The following CDYL2 variants were observed in gnomAD, a reference collection of about 807,000 sequenced individuals.
CDYL2 encodes chromodomain Y like 2.
In CDYL2, 23 loss-of-function variants were observed where a neutral mutation model predicts 49.4. That is an observed-to-expected ratio of 0.47 (90% CI 0.34 to 0.66). The LOEUF (loss-of-function observed/expected upper bound fraction) is 0.66, where lower values mean the gene tolerates loss of function less well. CDYL2 is among the 30% of genes least tolerant of loss of function. CDYL2 has a pLI of 0.01. For missense variants in CDYL2, 678 were observed against 656.4 expected, an observed-to-expected ratio of 1.03 and a Z score of -0.36; for synonymous variants, 360 against 268.8, an observed-to-expected ratio of 1.34 and a Z score of -3.32.
chr16:80,752,680 T>C (rs1906176393), intron 1 of CDYL2, among the ~76,000 whole-genome samples: 1 of 151,926 alleles, frequency 6.6e-6, no homozygotes, highest in African/African-American at 2.4e-5. Flanking sequence ...AACAAGGGAG[T>C]GAATTTGTCA....
chr16:80,621,043 G>A, intron 3 of CDYL2, 108 bp from the exon 4 acceptor site: 10 of 1,256,824 alleles, frequency 8.0e-6, no homozygotes, highest in Non-Finnish European at 1.1e-5. Context: ...GTAGAGGCCA[G>A]GGAATCTGCT....
chr16:80,738,500 A>T (rs1200729606), intron 1 of CDYL2, among the ~76,000 whole-genome samples: 4 of 152,234 alleles, frequency 2.6e-5, no homozygotes, highest in Non-Finnish European at 5.9e-5. Flanking sequence ...AAGTGAAAAA[A>T]GCCAGACACA....
intron 1 of CDYL2, among the ~76,000 whole-genome samples, chr16:80,712,292 TC>T (rs920816171): frequency 2.0e-5 from 3 of 149,216 alleles, no homozygotes; most frequent in Non-Finnish European, 1.5e-5. Context: ...GTCCAGAGAG[TC>T]CCTGAAACGT....
intron 1 of CDYL2, among the ~76,000 whole-genome samples, chr16:80,793,939 T>A (rs1041115774): frequency 1.3e-5 from 2 of 152,212 alleles, no homozygotes; most frequent in African/African-American, 4.8e-5. Flanking sequence ...ATTTGGTTGT[T>A]TGTAAATAAA....
intron 2 of CDYL2, among the ~76,000 whole-genome samples, chr16:80,672,485 G>A (rs1597163112): frequency 6.8e-6 from 1 of 146,958 alleles, no homozygotes; most frequent in Non-Finnish European, 1.5e-5. Flanking sequence ...AGAAAGAAAG[G>A]AAAGAAAGAA....
At chr16:80,739,367 C>G (rs187921683) in intron 1 of CDYL2, among the ~76,000 whole-genome samples, 80 of 152,172 alleles carry the variant, frequency 5.3e-4, no homozygotes, top group Non-Finnish European at 3.2e-4. Context: ...GTACTTAATA[C>G]CTCGGAAATG....
At chr16:80,605,144 GTAA>G (rs550244360) in intron 6 of CDYL2, among the ~76,000 whole-genome samples, 17 of 152,044 alleles carry the variant, frequency 1.1e-4, no homozygotes, top group South Asian at 8.3e-4. Flanking sequence ...GTAGTAATGA[GTAA>G]TAATGATCAT....
intron 1 of CDYL2, among the ~76,000 whole-genome samples, chr16:80,746,240 C>G (rs1440302610): frequency 6.6e-6 from 1 of 152,192 alleles, no homozygotes; most frequent in African/African-American, 2.4e-5. Flanking sequence ...CCAACTCTGT[C>G]TGAGCAAAAG....
At chr16:80,616,625 G>A (rs1906837892) in intron 4 of CDYL2, among the ~76,000 whole-genome samples, 1 of 152,046 alleles carries the variant, frequency 6.6e-6, no homozygotes, top group South Asian at 2.1e-4. Context: ...CACCATCCTG[G>A]GGCCCCCAGA....
At chr16:80,682,492 G>A (rs12446952) in intron 2 of CDYL2, among the ~76,000 whole-genome samples, 82 of 152,294 alleles carry the variant, frequency 5.4e-4, no homozygotes, top group Non-Finnish European at 7.8e-4. Flanking sequence ...CTGCCTCACC[G>A]CAGAAGATTG....
intron 4 of CDYL2, among the ~76,000 whole-genome samples, chr16:80,617,686 C>A (rs185439800): frequency 2.0e-5 from 3 of 152,222 alleles, no homozygotes; most frequent in South Asian, 4.1e-4. Context: ...TGTCTCTACA[C>A]GCCGCATCTT....
rs138401474 is a variant in CDYL2, at chr16:80,684,571, C to T, written c.583G>A (p.Val195Met). The change falls in exon 2 of 7, where the codon GTG (valine) becomes ATG (methionine). Residue 195 changes from valine to methionine, a missense_variant. This residue lies in a region of CDYL2 where 478 missense variants were observed against 427.0 expected (regional missense o/e 1.12). Coordinates refer to ENST00000570137, the MANE Select transcript of CDYL2 (RefSeq NM_152342.4). ...VGEQDMGECD[V>M]NHATLAENGL... ...TTCTCCGCCAGTGTAGCGTGATTCA[C>T]GTCACATTCACCCATATCTTGCTCT... is the stretch of plus-strand genomic sequence containing the variant. 1.4e-4 allele frequency: 220 copies of T among 1,614,040 alleles called. No individual in the cohort carries two copies. Among genetic ancestry groups the T allele is most frequent in the Admixed American group, 3.2e-4 (19 of 60,016 alleles).
At chr16:80,677,391 G>A (rs1338251876) in intron 2 of CDYL2, among the ~76,000 whole-genome samples, 2 of 152,132 alleles carry the variant, frequency 1.3e-5, no homozygotes, top group Non-Finnish European at 2.9e-5. Context: ...TGAGTGGCAT[G>A]GAGTTAGTCA....
chr16:80,656,165 G>C (rs1483615587), intron 2 of CDYL2, among the ~76,000 whole-genome samples: 2 of 152,234 alleles, frequency 1.3e-5, no homozygotes, highest in African/African-American at 4.8e-5. Flanking sequence ...ATCAATTAAA[G>C]AACTGACCTG....
chr16:80,712,187 G>GTATATATATATACATA (rs1464649825), intron 1 of CDYL2, among the ~76,000 whole-genome samples: 58 of 38,098 alleles, frequency 1.5e-3, no homozygotes, highest in African/African-American at 6.9e-3. Flanking sequence ...TTGTGTCTGT[G>GTATATATATATACATA]TGTGTATATA....
At chr16:80,708,144 T>C (rs8043842) in intron 1 of CDYL2, among the ~76,000 whole-genome samples, 2,902 of 152,262 alleles carry the variant, frequency 0.019, 31 homozygotes, top group African/African-American at 0.029. Context: ...GAAACTCACA[T>C]TTACTCAACA....
At chr16:80,679,618 T>A (rs779588807) in intron 2 of CDYL2, 1 of 448,116 alleles carries the variant, frequency 2.2e-6, no homozygotes, top group African/African-American at 2.0e-5. Flanking sequence ...GAAGTACTTA[T>A]ACTCTAAAAC....
chr16:80,792,570 G>T (rs1241025244), intron 1 of CDYL2, among the ~76,000 whole-genome samples: 1 of 152,162 alleles, frequency 6.6e-6, no homozygotes, highest in Admixed American at 6.5e-5. Context: ...GTTTTCAAGG[G>T]AAGCACCAAC....
intron 1 of CDYL2, among the ~76,000 whole-genome samples, chr16:80,794,564 A>T (rs1405688182): frequency 7.4e-6 from 1 of 134,752 alleles, no homozygotes; most frequent in Non-Finnish European, 1.6e-5. Context: ...ACCATATACG[A>T]TTGTTGAGTT....
Sources: allele counts gnomAD v4.1 joint callset (sites outside exome capture counted in the v4.1 genomes callset), GRCh38; gene constraint gnomAD v4.1.1; regional missense constraint gnomAD v4.1.1; transcripts MANE v1.5; gene names NCBI Gene and HGNC (gene_info 2026-07-23, HGNC 2026-07-21).